Variants in PDE7B observed in about 807,000 individuals in gnomAD.
PDE7B encodes phosphodiesterase 7B.
PDE7B carries 29 observed loss-of-function variants against 56.2 expected under a neutral mutation model. That is an observed-to-expected ratio of 0.52 (90% CI 0.38 to 0.70). The LOEUF is 0.70. Ranked by LOEUF, PDE7B falls within the 30% of genes least tolerant of loss-of-function variation. The pLI is 0.00. For missense variants in PDE7B, 490 were observed against 565.0 expected, an observed-to-expected ratio of 0.87 and a Z score of 1.35; for synonymous variants, 197 against 196.9, an observed-to-expected ratio of 1.00 and a Z score of 0.00.
intron 1 of PDE7B, among the ~76,000 whole-genome samples, chr6:135,909,436 G>A (rs367803570): frequency 5.9e-5 from 9 of 152,082 alleles, no homozygotes; most frequent in South Asian, 4.2e-4. Flanking sequence ...CCAATGTGGC[G>A]AAACTCCAAA....
Position 136,023,851 on chromosome 6 carries a change from G to C in PDE7B, c.82+76327G>C, listed in dbSNP as rs199971282. On this transcript the variant is annotated intron_variant, in intron 2 of 12. Coordinates refer to ENST00000308191, the MANE Select transcript of PDE7B (RefSeq NM_018945.4). Reference sequence around the variant, plus strand: ...TTGCTTTAGTTTTTTAGGCCACAAAGACCTAAAAGAAGAAAATCACTACTT... The same window carrying C: ...TTGCTTTAGTTTTTTAGGCCACAAACACCTAAAAGAAGAAAATCACTACTT... Among the ~76,000 whole-genome samples the C allele has an allele frequency of 6.6e-5, 10 of 152,172 alleles. No individual in the cohort carries two copies. The East Asian group carries it at 7.7e-4, about 12-fold the overall frequency.
At chr6:135,970,826 G>A (rs551443455) in intron 2 of PDE7B, among the ~76,000 whole-genome samples, 45 of 152,128 alleles carry the variant, frequency 3.0e-4, no homozygotes, top group Non-Finnish European at 6.5e-4. Flanking sequence ...GCAGCGAGAC[G>A]TTTGGATCCA....
chr6:136,107,883 C>CTT (rs1205351914), intron 2 of PDE7B, among the ~76,000 whole-genome samples: 1 of 152,056 alleles, frequency 6.6e-6, no homozygotes, highest in Non-Finnish European at 1.5e-5. Flanking sequence ...AATCCCAGAA[C>CTT]TTTGGGAGGC....
At chr6:135,988,744 C>G (rs1775424725) in intron 2 of PDE7B, among the ~76,000 whole-genome samples, 1 of 152,126 alleles carries the variant, frequency 6.6e-6, no homozygotes, top group Non-Finnish European at 1.5e-5. Flanking sequence ...GAAAATCTCA[C>G]CTCAGGGAAA....
At chr6:136,053,377 A>C (rs1302128310) in intron 2 of PDE7B, among the ~76,000 whole-genome samples, 1 of 152,032 alleles carries the variant, frequency 6.6e-6, no homozygotes, top group East Asian at 1.9e-4. Flanking sequence ...GTCCCTAAAA[A>C]GGACATGAAC....
intron 1 of PDE7B, among the ~76,000 whole-genome samples, chr6:135,891,307 C>T (rs983785681): frequency 1.3e-5 from 2 of 152,146 alleles, no homozygotes; most frequent in Non-Finnish European, 2.9e-5. Flanking sequence ...GAGTGAGACT[C>T]ATTAAAATGA....
chr6:136,093,784 A>G (rs578034130), intron 2 of PDE7B, among the ~76,000 whole-genome samples: 223 of 152,304 alleles, frequency 1.5e-3, no homozygotes, highest in Non-Finnish European at 2.5e-3. Context: ...AAGATAAAAC[A>G]TTTGTTTGGG....
At chr6:135,953,238 T>C (rs998338345) in intron 2 of PDE7B, among the ~76,000 whole-genome samples, 60 of 151,694 alleles carry the variant, frequency 4.0e-4, no homozygotes, top group African/African-American at 1.5e-3. Flanking sequence ...TTTGCTCTTA[T>C]CACTTGCTTC....
intron 1 of PDE7B, among the ~76,000 whole-genome samples, chr6:135,916,392 CTT>C (rs566408380): frequency 7.3e-5 from 7 of 96,342 alleles, no homozygotes; most frequent in Admixed American, 5.4e-4. Context: ...TCTTTTCTTT[CTT>C]TTTTTTTTTT....
intron 2 of PDE7B, among the ~76,000 whole-genome samples, chr6:135,951,177 G>C (rs1286609702): frequency 6.6e-6 from 1 of 152,140 alleles, no homozygotes; most frequent in African/African-American, 2.4e-5. Flanking sequence ...TTAGGGAAAT[G>C]TGTGTAGAGC....
chr6:136,090,836 C>T (rs1191623592), intron 2 of PDE7B, among the ~76,000 whole-genome samples: 1 of 152,180 alleles, frequency 6.6e-6, no homozygotes, highest in Non-Finnish European at 1.5e-5. Context: ...ACTGTACCAC[C>T]TATTTCTTTA....
intron 2 of PDE7B, among the ~76,000 whole-genome samples, chr6:135,965,523 G>T (rs1774982542): frequency 6.6e-6 from 1 of 152,198 alleles, no homozygotes; most frequent in South Asian, 2.1e-4. Context: ...TGGGCCCACA[G>T]TTCCACATGG....
chr6:135,983,070 C>T (rs1775321656), intron 2 of PDE7B, among the ~76,000 whole-genome samples: 1 of 152,106 alleles, frequency 6.6e-6, no homozygotes. Flanking sequence ...GATGTATTTC[C>T]TTTTTTATTT....
intron 2 of PDE7B, among the ~76,000 whole-genome samples, chr6:136,057,357 A>G (rs1318001909): frequency 6.6e-6 from 1 of 152,202 alleles, no homozygotes; most frequent in Non-Finnish European, 1.5e-5. Context: ...TATATTTGCA[A>G]TTCCCATGGT....
chr6:136,181,372 G>A (rs1779061881), intron 11 of PDE7B, 49 bp downstream of exon 11: 2 of 1,132,932 alleles, frequency 1.8e-6, no homozygotes, highest in South Asian at 2.5e-5. Context: ...TCTTCTTTTA[G>A]GCATTTATCC....
intron 12 of PDE7B, among the ~76,000 whole-genome samples, chr6:136,189,549 C>T (rs1013007210): frequency 7.9e-5 from 12 of 152,110 alleles, no homozygotes; most frequent in East Asian, 1.9e-4. Flanking sequence ...CCAGCCTGGG[C>T]GACAGGGTGA....
intron 2 of PDE7B, among the ~76,000 whole-genome samples, chr6:136,085,855 C>T (rs1177678513): frequency 6.6e-6 from 1 of 152,142 alleles, no homozygotes; most frequent in Non-Finnish European, 1.5e-5. Context: ...CTGAGGAGCA[C>T]AGGCCAACAA....
At chr6:136,168,615 T>C (rs765172171) in intron 8 of PDE7B, among the ~76,000 whole-genome samples, 3 of 152,006 alleles carry the variant, frequency 2.0e-5, no homozygotes, top group Non-Finnish European at 4.4e-5. Context: ...TGAAAAAGGA[T>C]GGTAAAACTC....
At chr6:135,912,033 G>T (rs1253326692) in intron 1 of PDE7B, among the ~76,000 whole-genome samples, 2 of 152,148 alleles carry the variant, frequency 1.3e-5, no homozygotes, top group African/African-American at 4.8e-5. Flanking sequence ...TTCCTATCTG[G>T]AAGAGATTTC....
Sources: allele counts gnomAD v4.1 joint callset (sites outside exome capture counted in the v4.1 genomes callset), GRCh38; gene constraint gnomAD v4.1.1; transcripts MANE v1.5; gene names NCBI Gene and HGNC (gene_info 2026-07-23, HGNC 2026-07-21).